The following ZFYVE28 variants were observed in gnomAD, a reference collection of about 807,000 sequenced individuals.
The protein encoded by ZFYVE28 is zinc finger FYVE-type containing 28, also known as lateral signaling target protein 2 homolog.
In ZFYVE28, 40 loss-of-function variants were observed where a neutral mutation model predicts 82.1. That is an observed-to-expected ratio of 0.49 (90% CI 0.38 to 0.63). The LOEUF (loss-of-function observed/expected upper bound fraction) is 0.63. Among genes scored for constraint, ZFYVE28 ranks in the 30% least tolerant of loss-of-function variants. The pLI is 0.00. For synonymous variants in ZFYVE28, 612 were observed against 546.1 expected, an observed-to-expected ratio of 1.12 and a Z score of -1.68; for missense variants, 1,321 against 1,242.1, an observed-to-expected ratio of 1.06 and a Z score of -0.96.
chr4:2,279,578 G>A (rs1577874714), intron 8 of ZFYVE28, among the ~76,000 whole-genome samples: 1 of 152,126 alleles, frequency 6.6e-6, no homozygotes, highest in Non-Finnish European at 1.5e-5. Flanking sequence ...AGGAGATCGA[G>A]ACCATCCTGG....
intron 8 of ZFYVE28, among the ~76,000 whole-genome samples, chr4:2,288,463 C>T (rs1331342241): frequency 3.9e-5 from 6 of 152,238 alleles, no homozygotes; most frequent in Non-Finnish European, 8.8e-5. Flanking sequence ...CAGCGCCTGC[C>T]TCCGAGGGGC....
chr4:2,370,107 C>T (rs766554592), intron 1 of ZFYVE28, among the ~76,000 whole-genome samples: 3 of 151,982 alleles, frequency 2.0e-5, no homozygotes, highest in Non-Finnish European at 4.4e-5. Flanking sequence ...CTTAGCCTTC[C>T]GAAGTGCTGG....
chr4:2,371,420 C>A (rs142303755), intron 1 of ZFYVE28, among the ~76,000 whole-genome samples: 1 of 152,188 alleles, frequency 6.6e-6, no homozygotes, highest in Non-Finnish European at 1.5e-5. Flanking sequence ...CCTAAAGGAA[C>A]GCCTGCTCTC....
rs764340250 is a variant in ZFYVE28 at position 2,362,455 on chromosome 4, C to G, written c.40-8382G>C. 9.3e-4 allele frequency among the ~76,000 whole-genome samples: 142 copies of G among 152,292 alleles called. 2 individuals are homozygous for G. Among genetic ancestry groups the G allele is most frequent in the Middle Eastern group, 3.4e-3 (1 of 294 alleles). ...TAATGGCCGAGCAAGCCCCTCCACC[C>G]CTCCACCACTGGGGCTAGAATTGTT... On this transcript the variant is annotated intron_variant, in intron 1 of 12. Coordinates refer to ENST00000290974, the MANE Select transcript of ZFYVE28 (RefSeq NM_020972.3). This position sits in a 1 kb window ranked among gnomAD's most constrained non-coding sequence, Gnocchi z 5.1.
chr4:2,272,110 T>G (rs967794156), intron 10 of ZFYVE28, among the ~76,000 whole-genome samples: 3 of 152,212 alleles, frequency 2.0e-5, no homozygotes, highest in Non-Finnish European at 2.9e-5. Flanking sequence ...AACAGGGCCA[T>G]GTCACCTGCC....
At chr4:2,381,952 T>C (rs1200653848) in intron 1 of ZFYVE28, among the ~76,000 whole-genome samples, 3 of 152,228 alleles carry the variant, frequency 2.0e-5, no homozygotes, top group African/African-American at 7.2e-5. Context: ...CTTGGTGCCC[T>C]GTGTCCCAGC....
intron 7 of ZFYVE28, among the ~76,000 whole-genome samples, chr4:2,315,552 C>T (rs1301594247): frequency 6.6e-6 from 1 of 152,198 alleles, no homozygotes; most frequent in Non-Finnish European, 1.5e-5. Context: ...GGATCACAGG[C>T]GGGAGCCACT....
chr4:2,304,358 G>A lies in ZFYVE28; in HGVS notation c.1982C>T (p.Pro661Leu). The A allele has an allele frequency of 1.2e-6, 2 of 1,609,858 alleles. No homozygotes were observed. Among genetic ancestry groups the A allele is most frequent in the South Asian group, 2.2e-5 (2 of 91,080 alleles). The change falls in exon 8 of 13, where the codon CCA (proline) becomes CTA (leucine). Residue 661 changes from proline (P) to leucine (L), a missense_variant. Physicochemically the swap from Pro to Leu is moderately conservative, Grantham distance 98. Transcript: ENST00000290974. Reference protein sequence around the residue: ...GEAGVAGQQEPEARELHAGSP... With the variant: ...GEAGVAGQQELEARELHAGSP... The stretch of plus-strand genomic sequence containing the variant: ...CCCAGCATGCAGCTCTCTGGCCTCT[G>A]GCTCCTGCTGACCTGCAACCCCAGC...
chr4:2,362,765 C>G lies in ZFYVE28; in HGVS notation c.40-8692G>C, dbSNP rs1475104174. On this transcript the variant is annotated intron_variant, in intron 1 of 12. Coordinates refer to ENST00000290974, the MANE Select transcript of ZFYVE28 (RefSeq NM_020972.3). This position sits in a 1 kb window ranked among gnomAD's most constrained non-coding sequence, Gnocchi z 5.1. Reference sequence around the variant, plus strand: ...TTACTATTGTTGCTACTGTCTCCCTCCCCATCCATCTGTCCCCTTTCTCTG... The same window carrying G: ...TTACTATTGTTGCTACTGTCTCCCTGCCCATCCATCTGTCCCCTTTCTCTG... 6.6e-6 allele frequency among the ~76,000 whole-genome samples: 1 copy of G among 152,130 alleles called. No homozygotes were observed. The highest frequency in any genetic ancestry group is 1.5e-5 in the Non-Finnish European group (1 of 68,014).
intron 1 of ZFYVE28, among the ~76,000 whole-genome samples, chr4:2,405,955 A>G (rs967900017): frequency 6.6e-6 from 1 of 151,662 alleles, no homozygotes; most frequent in Admixed American, 6.6e-5. Context: ...AGGCTGAGGC[A>G]GGAGGATCAC....
rs368781706 is a variant in ZFYVE28, at chr4:2,396,150, C to A, written c.39+22135G>T. Among the ~76,000 whole-genome samples the A allele has an allele frequency of 3.5e-3, 93 of 26,908 alleles. 10 individuals are homozygous for A. In the East Asian group the frequency reaches 0.045, roughly 13 times the overall value. The allele number at this position is 26,908 out of a possible 152,430, so 17.7% of individuals were successfully genotyped here. On this transcript the variant is annotated intron_variant, in intron 1 of 12. Transcript: ENST00000290974. ...GGCGGGGTGTCTGAGCTGATGGGACCAGCCATCCTGCAGAGGGGACACAAG... is the reference window on the plus strand; with the variant it reads ...GGCGGGGTGTCTGAGCTGATGGGACAAGCCATCCTGCAGAGGGGACACAAG...
intron 1 of ZFYVE28, among the ~76,000 whole-genome samples, chr4:2,363,244 G>A (rs1011252102): frequency 2.0e-5 from 3 of 152,264 alleles, no homozygotes; most frequent in African/African-American, 7.2e-5. Context: ...ATCCCTGCAG[G>A]AATGTTCTCC....
intron 1 of ZFYVE28, among the ~76,000 whole-genome samples, chr4:2,378,919 G>A (rs1045180971): frequency 4.6e-5 from 7 of 152,204 alleles, no homozygotes; most frequent in African/African-American, 1.4e-4. Context: ...AACCACCTTA[G>A]ACTCCCACAA....
At chr4:2,413,035 G>A (rs1165503435) in intron 1 of ZFYVE28, among the ~76,000 whole-genome samples, 2 of 152,192 alleles carry the variant, frequency 1.3e-5, no homozygotes, top group Middle Eastern at 6.3e-3. Context: ...GCCCTGCCCT[G>A]CCAGGGAAGG....
rs1371427497 is a variant in ZFYVE28, at chr4:2,372,815, C to A, written c.40-18742G>T. ...GATGCTGCACACCCCTAAGACCTAG[C>A]CTCCCCGAGGCCTCTCCCCATGGCT... On this transcript the variant is annotated intron_variant, in intron 1 of 12. Coordinates refer to ENST00000290974, the MANE Select transcript of ZFYVE28 (RefSeq NM_020972.3). This position sits in a 1 kb window ranked among gnomAD's most constrained non-coding sequence, Gnocchi z 5.2. Among the ~76,000 whole-genome samples, 4 of 152,142 alleles carry A rather than the reference C, an allele frequency of 2.6e-5. No individual in the cohort carries two copies. Among genetic ancestry groups the A allele is most frequent in the African/African-American group, 9.7e-5 (4 of 41,426 alleles).
At chr4:2,375,282 C>T (rs552027552) in intron 1 of ZFYVE28, among the ~76,000 whole-genome samples, 12 of 152,168 alleles carry the variant, frequency 7.9e-5, no homozygotes, top group Non-Finnish European at 1.5e-4. Flanking sequence ...TAAGTCATTC[C>T]AACTGATTTT....
chr4:2,282,810 A>C (rs1432626201), intron 8 of ZFYVE28, among the ~76,000 whole-genome samples: 2 of 152,200 alleles, frequency 1.3e-5, no homozygotes, highest in Non-Finnish European at 2.9e-5. Flanking sequence ...TAATGAAGAG[A>C]AAAACAGCCT....
chr4:2,313,848 CAAAA>C (rs397958081), intron 7 of ZFYVE28, among the ~76,000 whole-genome samples: 2 of 80,788 alleles, frequency 2.5e-5, no homozygotes, highest in Non-Finnish European at 2.6e-5. Flanking sequence ...GACTCTGTCT[CAAAA>C]AAAAAAAAAA....
chr4:2,317,599 C>T (rs776453445), intron 7 of ZFYVE28, among the ~76,000 whole-genome samples: 2 of 152,058 alleles, frequency 1.3e-5, no homozygotes, highest in East Asian at 3.9e-4. Context: ...ATCTGGCAAA[C>T]GTCTCTAGCA....
Sources: gnomAD v4.1 joint callset for allele counts (sites outside exome capture counted in the v4.1 genomes callset) on GRCh38, gnomAD v4.1.1 for gene constraint, Gnocchi (gnomAD v3.1) non-coding constraint, MANE v1.5 for transcripts, NCBI Gene and HGNC (gene_info 2026-07-23, HGNC 2026-07-21) for gene names.